The following CACNB4 variants were observed in gnomAD, a reference collection of about 807,000 sequenced individuals.
CACNB4 encodes the protein voltage-dependent L-type calcium channel subunit beta-4.
CACNB4 carries 32 observed loss-of-function variants against 71.2 expected under a neutral mutation model. The ratio of observed to expected loss-of-function variants is 0.45; its 90% CI spans 0.34 to 0.60. The LOEUF is 0.60. CACNB4 is among the 20% of genes least tolerant of loss of function. The pLI, the probability that CACNB4 is intolerant of heterozygous loss-of-function variation, is 0.01. For missense variants in CACNB4, 464 were observed against 647.9 expected (o/e 0.72, Z 3.08); for synonymous variants, 231 against 236.9 (o/e 0.97, Z 0.23).
intron 9 of CACNB4, chr2:151,861,031 C>A (rs377373632): frequency 6.5e-5 from 34 of 525,876 alleles, no homozygotes; most frequent in African/African-American, 5.7e-4. Flanking sequence ...GTTTCACACA[C>A]AAAAAAACCT....
At chr2:152,065,219 C>T (rs1686242976) in intron 2 of CACNB4, among the ~76,000 whole-genome samples, 1 of 152,080 alleles carries the variant, frequency 6.6e-6, no homozygotes, top group Non-Finnish European at 1.5e-5. Flanking sequence ...CCTGTCTCTA[C>T]TAACAATACC....
At chr2:151,839,839 C>A (rs1392258610) in intron 13 of CACNB4, among the ~76,000 whole-genome samples, 2 of 152,098 alleles carry the variant, frequency 1.3e-5, no homozygotes, top group Non-Finnish European at 2.9e-5. Flanking sequence ...ATTCCTTATA[C>A]CTTTTAAAAA....
At chr2:151,872,551 T>A (rs2099844902) in intron 5 of CACNB4, 58 bp from the exon 6 acceptor site, 1 of 936,440 alleles carries the variant, frequency 1.1e-6, no homozygotes, top group Non-Finnish European at 1.7e-6. Context: ...AAATAGAACT[T>A]GAGAGTACAA....
chr2:151,878,135 G>A (rs1282302729), intron 4 of CACNB4, among the ~76,000 whole-genome samples: 3 of 151,862 alleles, frequency 2.0e-5, no homozygotes, highest in South Asian at 2.1e-4. Context: ...TTTTCAAAAT[G>A]TAACAATGAT....
At position 151,958,955 on chromosome 2, in the gene CACNB4, T is replaced by C. The variant is rs1401259434; in HGVS notation, c.148-75585A>G. 2.0e-5 allele frequency among the ~76,000 whole-genome samples: 3 copies of C among 152,212 alleles called. No homozygotes were observed. The East Asian group carries it at 5.8e-4, about 29-fold the overall frequency. On this transcript the variant is annotated intron_variant, in intron 2 of 13. Transcript: ENST00000539935. ...AAATGGGAGGCTAGGTATTTTTAAA[T>C]GTAGGTACAAAGATAACAACTACCT...
At chr2:151,914,447 C>A (rs2099856975) in intron 2 of CACNB4, among the ~76,000 whole-genome samples, 1 of 152,076 alleles carries the variant, frequency 6.6e-6, no homozygotes, top group East Asian at 1.9e-4. Flanking sequence ...TTTTTATTAC[C>A]CATCTTCTGA....
rs547347403 is a variant in CACNB4 at position 151,941,525 on chromosome 2, G to A, written c.148-58155C>T. ...TTGAACTCCTGACCTCAGGTGATCCGCCTACCTCAGCCTCCCAAAGTGCTG... is the reference window on the plus strand; with the variant it reads ...TTGAACTCCTGACCTCAGGTGATCCACCTACCTCAGCCTCCCAAAGTGCTG... On this transcript the variant is annotated intron_variant, in intron 2 of 13. Coordinates refer to ENST00000539935, the MANE Select transcript of CACNB4 (RefSeq NM_000726.5). 5.9e-5 allele frequency among the ~76,000 whole-genome samples: 9 copies of A among 151,342 alleles called. No homozygotes were observed. In the East Asian group the frequency reaches 7.8e-4, roughly 13 times the overall value.
intron 3 of CACNB4, 115 bp downstream of exon 3, chr2:151,883,136 C>T: frequency 2.8e-6 from 3 of 1,088,406 alleles, no homozygotes; most frequent in Non-Finnish European, 2.7e-6. Flanking sequence ...CAATCTGGAG[C>T]CTTGTTAGAA....
Position 152,098,198 on chromosome 2 carries a change from G to A in CACNB4, c.147+132C>T. ...GGAGAGGGACTGAGCCCGAGCACCG[G>A]CCGAGGCCGGGAAGAGACGCGCGCG... On this transcript the variant is annotated intron_variant, in intron 2 of 13. Coordinates refer to ENST00000539935, the MANE Select transcript of CACNB4 (RefSeq NM_000726.5). This position sits in a 1 kb window ranked among gnomAD's most constrained non-coding sequence, Gnocchi z 5.3. 1.5e-6 allele frequency: 1 copy of A among 665,614 alleles called. No homozygotes were observed. Among genetic ancestry groups the A allele is most frequent in the Non-Finnish European group, 2.6e-6 (1 of 380,302 alleles). The allele number at this position is 665,614 out of a possible 1,614,324, so 41.2% of individuals were successfully genotyped here.
rs1363721790 is a variant in CACNB4 at position 151,954,381 on chromosome 2, C to T, written c.148-71011G>A. Among the ~76,000 whole-genome samples the T allele has an allele frequency of 4.6e-5, 7 of 152,294 alleles. No individual in the cohort carries two copies. In the South Asian group the frequency reaches 1.0e-3, roughly 23 times the overall value. ...ATAAAGAACAAACTGGGATGATTTG[C>T]TTAATTCTGTCATCCATGGGGAAAT... is the stretch of plus-strand genomic sequence containing the variant. On this transcript the variant is annotated intron_variant, in intron 2 of 13. Transcript: ENST00000539935.
At chr2:151,972,694 TTTTTG>T (rs2099872907) in intron 2 of CACNB4, 1 of 142,560 alleles carries the variant, frequency 7.0e-6, no homozygotes, top group Non-Finnish European at 1.6e-5. Context: ...ACAGGGTTTT[TTTTTG>T]TTTTTTGTTT....
Position 151,860,456 on chromosome 2 carries a change from A to G in CACNB4, c.868+255T>C, listed in dbSNP as rs150503933. On this transcript the variant is annotated intron_variant, in intron 10 of 13. Coordinates refer to ENST00000539935, the MANE Select transcript of CACNB4 (RefSeq NM_000726.5). ...ACTGGTTTCATGTAGTTAGGCAGGA[A>G]AAGACTAGGAGAGCCCATTGAGGAT... 2.3e-3 allele frequency: 1,156 copies of G among 494,838 alleles called. 4 individuals are homozygous for G. The highest frequency in any genetic ancestry group is 6.3e-3 in the Middle Eastern group (12 of 1,900). 30.7% of individuals were successfully genotyped at this position (494,838 alleles called of 1,614,324 possible). A position where few individuals can be genotyped will look rare whatever the true frequency, so the allele number is the denominator to read the frequency against.
intron 2 of CACNB4, chr2:151,971,142 C>A (rs938393092): frequency 9.1e-6 from 2 of 218,872 alleles, no homozygotes; most frequent in Middle Eastern, 1.8e-3. Context: ...ACTTTTGGAC[C>A]AAACTCTTAA....
chr2:152,075,482 A>G (rs1281546442), intron 2 of CACNB4, among the ~76,000 whole-genome samples: 1 of 152,216 alleles, frequency 6.6e-6, no homozygotes, highest in East Asian at 1.9e-4. Context: ...ATATGCAATC[A>G]TGAAGAAAAG....
At chr2:152,032,697 G>A (rs375075626) in intron 2 of CACNB4, among the ~76,000 whole-genome samples, 1 of 152,074 alleles carries the variant, frequency 6.6e-6, no homozygotes, top group East Asian at 1.9e-4. Context: ...AGGGTGTGGT[G>A]GCTCATGCCT....
intron 2 of CACNB4, among the ~76,000 whole-genome samples, chr2:151,946,482 C>T (rs1289985688): frequency 6.6e-6 from 1 of 152,194 alleles, no homozygotes; most frequent in Non-Finnish European, 1.5e-5. Context: ...ACTCACTCCA[C>T]TAAAGGTTGT....
intron 2 of CACNB4, among the ~76,000 whole-genome samples, chr2:151,944,310 G>A (rs1327029572): frequency 6.6e-6 from 1 of 152,086 alleles, no homozygotes; most frequent in Non-Finnish European, 1.5e-5. Flanking sequence ...AAAGCGCTGG[G>A]ATTACAGGCA....
At chr2:152,057,230 T>C (rs570086416) in intron 2 of CACNB4, among the ~76,000 whole-genome samples, 1 of 151,964 alleles carries the variant, frequency 6.6e-6, no homozygotes, top group Non-Finnish European at 1.5e-5. Flanking sequence ...CTGAATGCTG[T>C]CAAAATCCAT....
intron 2 of CACNB4, among the ~76,000 whole-genome samples, chr2:152,000,596 C>T (rs572863583): frequency 6.6e-6 from 1 of 152,288 alleles, no homozygotes; most frequent in East Asian, 1.9e-4. Flanking sequence ...TCATTACCAG[C>T]CCCTCTAAAC....
Sources: allele counts gnomAD v4.1 joint callset (sites outside exome capture counted in the v4.1 genomes callset), GRCh38; gene constraint gnomAD v4.1.1; non-coding constraint Gnocchi (gnomAD v3.1); transcripts MANE v1.5; gene names NCBI Gene and HGNC (gene_info 2026-07-23, HGNC 2026-07-21).